The following MACF1 variants were observed in gnomAD, a reference collection of about 807,000 sequenced individuals.
MACF1 encodes the protein microtubule actin crosslinking factor 1.
Under a neutral mutation model 854.8 loss-of-function variants are expected in MACF1, and 193 were observed. That is an observed-to-expected ratio of 0.23 (90% CI 0.20 to 0.25). MACF1 has a LOEUF of 0.25. MACF1 is among the 10% of genes least tolerant of loss of function. The pLI, the probability that MACF1 is intolerant of heterozygous loss-of-function variation, is 1.00. For missense variants in MACF1, 7,722 were observed against 8,929.1 expected, an observed-to-expected ratio of 0.86 and a Z score of 5.45; for synonymous variants, 3,185 against 3,226.7, an observed-to-expected ratio of 0.99 and a Z score of 0.44.
At chr1:39,478,831 A>AGTC in intron 97 of MACF1, among the ~76,000 whole-genome samples, 1 of 152,218 alleles carries the variant, frequency 6.6e-6, no homozygotes, top group Non-Finnish European at 1.5e-5. Flanking sequence ...TTTCTCCAGC[A>AGTC]GTCCCATTTG....
chr1:39,361,078 A>G, intron 48 of MACF1, 77 bp downstream of exon 48: 1 of 1,196,932 alleles, frequency 8.4e-7, no homozygotes, highest in Non-Finnish European at 1.2e-6. Flanking sequence ...TGAAAAAGTA[A>G]CAAGAGGGAA....
At chr1:39,368,075 C>A in intron 49 of MACF1, 73 bp from the exon 50 acceptor site, 1 of 1,295,852 alleles carries the variant, frequency 7.7e-7, no homozygotes, top group Non-Finnish European at 1.1e-6. Flanking sequence ...AAGCATACCT[C>A]TTTCCTTATT....
Position 39,430,088 on chromosome 1 carries a change from T to C in MACF1, c.17130+20T>C, listed in dbSNP as rs1465696765. On this transcript the variant is annotated intron_variant, in intron 65 of 100. Coordinates refer to ENST00000564288, the MANE Select transcript of MACF1 (RefSeq NM_001394062.1). ...CAGAAGGTGAGCTGTTACTTTACCA[T>C]AAAAAGAAAAAAAGGCTTCCTCTTT... 4.4e-6 allele frequency: 7 copies of C among 1,586,864 alleles called. No homozygotes were observed. The African/African-American group carries it at 8.2e-5, about 19-fold the overall frequency.
chr1:39,447,765 T>C lies in MACF1; in HGVS notation c.19835T>C (p.Phe6612Ser), dbSNP rs1415739699. 1.2e-6 allele frequency: 2 copies of C among 1,613,972 alleles called. No homozygotes were observed. Among genetic ancestry groups the C allele is most frequent in the Non-Finnish European group, 1.7e-6 (2 of 1,180,028 alleles). The change falls in exon 82 of 101, where the codon TTC becomes TCC. Residue 6612 changes from phenylalanine (F) to serine (S), a missense_variant. Coordinates refer to ENST00000564288, the MANE Select transcript of MACF1 (RefSeq NM_001394062.1). Reference protein sequence around the residue: ...ELDQTGNQLKFLSQKQDVVLI... With the variant: ...ELDQTGNQLKSLSQKQDVVLI... The stretch of plus-strand genomic sequence containing the variant: ...GATCAAACTGGGAATCAATTAAAGT[T>C]CCTTAGCCAAAAGCAGGATGTTGTT...
chr1:39,446,294 A>G (rs1309779613), intron 80 of MACF1, among the ~76,000 whole-genome samples: 1 of 145,788 alleles, frequency 6.9e-6, no homozygotes, highest in Non-Finnish European at 1.5e-5. Context: ...ATATAAAAGT[A>G]TATCTTTTAT....
intron 1 of MACF1, among the ~76,000 whole-genome samples, chr1:39,214,361 C>T (rs537556711): frequency 6.6e-6 from 1 of 152,268 alleles, no homozygotes; most frequent in African/African-American, 2.4e-5. Context: ...TTCAACATTC[C>T]AGTGTCTGGT....
Position 39,452,761 on chromosome 1 carries a change from A to G in MACF1, c.20691A>G (p.Gly6897=), listed in dbSNP as rs770174885. The G allele has an allele frequency of 1.9e-6, 3 of 1,614,082 alleles. No homozygotes were observed. The highest frequency in any genetic ancestry group is 2.7e-5 in the African/African-American group (2 of 75,044). ...CAGAGCAAACGCTTCGCTTTCGGGG[A>G]GCACTTCCTGATGACACAGAGGCCC... ...SEAEQTLRFR[G]ALPDDTEALQ... is the part of the protein sequence containing the mutation. The change falls in exon 87 of 101, where the codon GGA becomes GGG. Residue 6897 remains glycine (G), a synonymous_variant. Coordinates refer to ENST00000564288, the MANE Select transcript of MACF1 (RefSeq NM_001394062.1).
At chr1:39,240,159 A>G (rs980956281) in intron 2 of MACF1, among the ~76,000 whole-genome samples, 4 of 152,218 alleles carry the variant, frequency 2.6e-5, no homozygotes, top group African/African-American at 4.8e-5. Context: ...ACATGAGTCA[A>G]TTCACTGGCT....
chr1:39,405,844 T>C (rs74066778), intron 58 of MACF1, among the ~76,000 whole-genome samples: 10,251 of 152,226 alleles, frequency 0.067, 897 homozygotes, highest in African/African-American at 0.21. Context: ...TATTTCTCTT[T>C]TAAAAAGTTT....
At chr1:39,190,290 C>CT (rs1644234590) in intron 2 of MACF1, among the ~76,000 whole-genome samples, 1 of 150,850 alleles carries the variant, frequency 6.6e-6, no homozygotes, top group Non-Finnish European at 1.5e-5. Context: ...TTCTTTCTTT[C>CT]TTTTTTCCTC....
rs74412176 is a variant in MACF1 at position 39,178,407 on chromosome 1, G to A, written c.221-52775G>A. Among the ~76,000 whole-genome samples, 846 of 152,124 alleles carry A rather than the reference G, an allele frequency of 5.6e-3. 19 individuals are homozygous for A. In the East Asian group the frequency reaches 0.096, roughly 17 times the overall value. ...AGGTAGTTTGTAAGTCTTTGCTCTT[G>A]GGGAAGCCAATTTTGGATTTCCTTT... On this transcript the variant is annotated intron_variant, in intron 2 of 93. Transcript: ENST00000361689.
intron 2 of MACF1, among the ~76,000 whole-genome samples, chr1:39,242,320 A>C (rs575360038): frequency 6.6e-6 from 1 of 151,600 alleles, no homozygotes; most frequent in Non-Finnish European, 1.5e-5. Flanking sequence ...ACTGCACGCC[A>C]GCCTGAGCAA....
chr1:39,157,645 T>C (rs1224190845), intron 2 of MACF1, among the ~76,000 whole-genome samples: 1 of 152,242 alleles, frequency 6.6e-6, no homozygotes, highest in Non-Finnish European at 1.5e-5. Flanking sequence ...ACATAGCTTC[T>C]TGCCATGCTA....
At chr1:39,266,202 G>A (rs905121061) in intron 6 of MACF1, among the ~76,000 whole-genome samples, 2 of 152,152 alleles carry the variant, frequency 1.3e-5, no homozygotes, top group African/African-American at 4.8e-5. Context: ...TTGCCTCTAA[G>A]TTTATTAGTT....
In MACF1 at chr1:39,324,214, C is replaced by A. The variant is rs752025606; in HGVS notation, c.4258C>A (p.Gln1420Lys). 6.2e-7 allele frequency: 1 copy of A among 1,604,540 alleles called. No individual in the cohort carries two copies. The highest frequency in any genetic ancestry group is 8.5e-7 in the Non-Finnish European group (1 of 1,175,756). ...EEEKVVEEEKQEHVEKVKELL... is the reference protein window; with the variant it reads ...EEEKVVEEEKKEHVEKVKELL... ...CTAGAAAGTGGTAGAAGAGGAGAAA[C>A]AAGAACATGTGGAGAAGGTTAAAGA... The change falls in exon 34 of 101, where the codon CAA (glutamine) becomes AAA (lysine). Residue 1420 changes from glutamine (Q) to lysine (K), a missense_variant. Around this residue, in one of 15 missense-constraint regions of MACF1, gnomAD observed 1,137 missense variants for 1,263.0 expected, o/e 0.90. Transcript: ENST00000564288.
intron 44 of MACF1, among the ~76,000 whole-genome samples, chr1:39,355,033 A>C (rs1475853905): frequency 6.6e-6 from 1 of 152,246 alleles, no homozygotes; most frequent in Non-Finnish European, 1.5e-5. Context: ...CACTTACAAC[A>C]CATGGATCAT....
chr1:39,411,675 T>G (rs774534096), intron 58 of MACF1: 5 of 1,613,798 alleles, frequency 3.1e-6, no homozygotes, highest in Non-Finnish European at 3.4e-6. Context: ...TTCTTGAACT[T>G]GAAAAGGAGT....
chr1:39,407,688 G>A (rs1642765587), intron 58 of MACF1, among the ~76,000 whole-genome samples: 1 of 152,214 alleles, frequency 6.6e-6, no homozygotes, highest in Non-Finnish European at 1.5e-5. Context: ...GGACCAGTCT[G>A]ATTCCCTAAG....
At chr1:39,180,915 C>CT (rs988725835) in intron 2 of MACF1, among the ~76,000 whole-genome samples, 3 of 151,142 alleles carry the variant, frequency 2.0e-5, no homozygotes, top group Non-Finnish European at 1.5e-5. Context: ...TAATCAATAT[C>CT]TTTTTTTTTG....
Sources: gnomAD v4.1 joint callset for allele counts (sites outside exome capture counted in the v4.1 genomes callset) on GRCh38, gnomAD v4.1.1 for gene constraint, gnomAD v4.1.1 regional missense constraint, MANE v1.5 for transcripts, NCBI Gene and HGNC (gene_info 2026-07-23, HGNC 2026-07-21) for gene names.